The following ADCY2 variants were observed in gnomAD, a reference collection of about 807,000 sequenced individuals.
ADCY2 encodes adenylate cyclase 2, also known as adenylate cyclase type 2.
In ADCY2, 31 loss-of-function variants were observed where a neutral mutation model predicts 125.2. That is an observed-to-expected ratio of 0.25 (90% CI 0.19 to 0.33). The LOEUF (loss-of-function observed/expected upper bound fraction) is 0.33. Among genes scored for constraint, ADCY2 ranks in the 10% least tolerant of loss-of-function variants. The pLI is 1.00. For synonymous variants in ADCY2, 512 were observed against 548.4 expected (o/e 0.93, Z 0.93); for missense variants, 904 against 1,418.2 (o/e 0.64, Z 5.82).
chr5:7,628,704 C>T (rs1352305044), intron 4 of ADCY2, among the ~76,000 whole-genome samples: 2 of 152,122 alleles, frequency 1.3e-5, no homozygotes, highest in Non-Finnish European at 2.9e-5. Context: ...AGAGTCTACT[C>T]CTAGAATGCA....
chr5:7,590,530 G>A (rs1736821323), intron 3 of ADCY2, among the ~76,000 whole-genome samples: 2 of 151,596 alleles, frequency 1.3e-5, no homozygotes, highest in East Asian at 3.9e-4. Flanking sequence ...TGCTTGTTTG[G>A]ATTTAGGGGA....
chr5:7,724,870 T>C (rs920989568), intron 13 of ADCY2, among the ~76,000 whole-genome samples: 5 of 152,164 alleles, frequency 3.3e-5, no homozygotes, highest in Non-Finnish European at 7.3e-5. Context: ...GTGCGAAATA[T>C]CCCAATTAAA....
intron 2 of ADCY2, among the ~76,000 whole-genome samples, chr5:7,494,426 C>T (rs1183295475): frequency 6.6e-6 from 1 of 152,132 alleles, no homozygotes; most frequent in Non-Finnish European, 1.5e-5. Flanking sequence ...TACGCTTTCC[C>T]TCCCTCTGCA....
chr5:7,519,927 C>A (rs1744382357), intron 2 of ADCY2, among the ~76,000 whole-genome samples: 2 of 152,136 alleles, frequency 1.3e-5, no homozygotes, highest in African/African-American at 4.8e-5. Context: ...GTCTTTTGCC[C>A]AGATTTTATT....
chr5:7,692,924 A>C (rs1351088389), intron 5 of ADCY2, among the ~76,000 whole-genome samples: 1 of 152,082 alleles, frequency 6.6e-6, no homozygotes, highest in Non-Finnish European at 1.5e-5. Flanking sequence ...CCTCAACCAT[A>C]GCTTTCCATA....
chr5:7,457,743 A>C (rs16878659), intron 2 of ADCY2, among the ~76,000 whole-genome samples: 2,785 of 152,270 alleles, frequency 0.018, 82 homozygotes, highest in African/African-American at 0.064. Flanking sequence ...TAGTCCATTC[A>C]GATCAAGAGT....
intron 2 of ADCY2, among the ~76,000 whole-genome samples, chr5:7,430,349 T>C (rs2126373338): frequency 6.6e-6 from 1 of 151,970 alleles, no homozygotes; most frequent in East Asian, 1.9e-4. Context: ...CCAACTCATG[T>C]CATGGGGCCA....
intron 10 of ADCY2, among the ~76,000 whole-genome samples, chr5:7,710,574 C>T (rs976569520): frequency 9.9e-5 from 15 of 152,090 alleles, no homozygotes; most frequent in East Asian, 9.7e-4. Context: ...AAGTCAGTGG[C>T]GCAAAGATGA....
chr5:7,567,057 A>T (rs1178096954), intron 3 of ADCY2, among the ~76,000 whole-genome samples: 1 of 152,204 alleles, frequency 6.6e-6, no homozygotes, highest in Admixed American at 6.5e-5. Context: ...TGTGTCTATC[A>T]TTGGCATAGT....
intron 3 of ADCY2, among the ~76,000 whole-genome samples, chr5:7,558,084 A>C: frequency 6.8e-6 from 1 of 148,106 alleles, no homozygotes; most frequent in Non-Finnish European, 1.5e-5. Context: ...ATGGAGTCTC[A>C]CTCTGTTGCC....
chr5:7,631,016 C>T (rs1738294087), intron 4 of ADCY2, among the ~76,000 whole-genome samples: 1 of 152,144 alleles, frequency 6.6e-6, no homozygotes, highest in Non-Finnish European at 1.5e-5. Flanking sequence ...GTCTTGCACT[C>T]CTGATCTCAA....
intron 3 of ADCY2, among the ~76,000 whole-genome samples, chr5:7,558,148 G>A (rs1188963420): frequency 2.0e-5 from 3 of 152,014 alleles, no homozygotes; most frequent in African/African-American, 7.3e-5. Context: ...TGCCACCCGG[G>A]TTTAAGTGAT....
chr5:7,665,992 C>T (rs1739704594), intron 4 of ADCY2, among the ~76,000 whole-genome samples: 1 of 150,392 alleles, frequency 6.6e-6, no homozygotes, highest in Admixed American at 6.6e-5. Context: ...GCACCCGCCA[C>T]TATGCCCGGC....
chr5:7,498,239 GTTTTTTTTTTTTT>G (rs910360437), intron 2 of ADCY2, among the ~76,000 whole-genome samples: 1,052 of 62,130 alleles, frequency 0.017, 31 homozygotes, highest in African/African-American at 0.055. Context: ...TTCTTTTTTC[GTTTTTTTTTTTTT>G]TTTTTTTTTT....
chr5:7,512,215 C>A (rs1744087423), intron 2 of ADCY2, among the ~76,000 whole-genome samples: 3 of 17,858 alleles, frequency 1.7e-4, no homozygotes, highest in Non-Finnish European at 2.6e-4. Flanking sequence ...AGCATGACTC[C>A]ATCAAAAAAA....
At chr5:7,463,344 T>A (rs554829724) in intron 2 of ADCY2, among the ~76,000 whole-genome samples, 1 of 152,284 alleles carries the variant, frequency 6.6e-6, no homozygotes. Context: ...AAAAGAACAA[T>A]CGTTCCATGG....
intron 3 of ADCY2, among the ~76,000 whole-genome samples, chr5:7,616,815 G>T (rs1335305792): frequency 6.6e-6 from 1 of 152,090 alleles, no homozygotes; most frequent in Non-Finnish European, 1.5e-5. Context: ...TTAAACAAAG[G>T]GCCTTTGAAG....
At chr5:7,818,379 CAG>C (rs1745185753) in intron 23 of ADCY2, among the ~76,000 whole-genome samples, 1 of 144,564 alleles carries the variant, frequency 6.9e-6, no homozygotes, top group African/African-American at 2.6e-5. Context: ...TTTTGTGAGA[CAG>C]AGTCTTGCTC....
intron 11 of ADCY2, among the ~76,000 whole-genome samples, chr5:7,713,509 A>AGG (rs1352117336): frequency 4.9e-4 from 65 of 133,038 alleles, no homozygotes; most frequent in African/African-American, 1.6e-3. Context: ...AAAAAAAAAT[A>AGG]AAAAGAAAAA....
Sources: gnomAD v4.1 joint callset for allele counts (sites outside exome capture counted in the v4.1 genomes callset) on GRCh38, gnomAD v4.1.1 for gene constraint, MANE v1.5 for transcripts, NCBI Gene and HGNC (gene_info 2026-07-23, HGNC 2026-07-21) for gene names.